Variants in SLC9A1 observed in about 807,000 individuals in gnomAD.
The protein encoded by SLC9A1 is sodium/hydrogen exchanger 1.
SLC9A1 carries 22 observed loss-of-function variants against 67.9 expected under a neutral mutation model. The ratio of observed to expected loss-of-function variants is 0.32; its 90% CI spans 0.23 to 0.46. The LOEUF is 0.46. Ranked by LOEUF, SLC9A1 falls within the 20% of genes least tolerant of loss-of-function variation. The pLI is 1.00. For missense variants in SLC9A1, 686 were observed against 1,094.8 expected (o/e 0.63, Z 5.27); for synonymous variants, 421 against 471.8 (o/e 0.89, Z 1.40).
intron 1 of SLC9A1, among the ~76,000 whole-genome samples, chr1:27,139,688 A>T (rs1212646908): frequency 1.3e-5 from 2 of 151,890 alleles, no homozygotes; most frequent in Admixed American, 1.3e-4. Context: ...CATCCCAATG[A>T]GTTTTAGAAG....
intron 4 of SLC9A1, among the ~76,000 whole-genome samples, chr1:27,107,099 CCACACA>C (rs141172880): frequency 7.3e-6 from 1 of 137,884 alleles, no homozygotes. Context: ...CCCAGCCCCT[CCACACA>C]CACACACACA....
intron 1 of SLC9A1, among the ~76,000 whole-genome samples, 171 bp downstream of exon 1, chr1:27,153,812 C>T (rs1483551090): frequency 6.6e-6 from 1 of 152,180 alleles, no homozygotes; most frequent in East Asian, 1.9e-4. Flanking sequence ...GATCACAGAT[C>T]AGAAGCCACA....
chr1:27,110,345 C>A (rs1015890668), intron 2 of SLC9A1, among the ~76,000 whole-genome samples: 15 of 152,290 alleles, frequency 9.8e-5, no homozygotes, highest in African/African-American at 2.9e-4. Context: ...CATTTCTTAA[C>A]CTCTGGAGCT....
At chr1:27,149,152 A>G (rs2083510104) in intron 1 of SLC9A1, among the ~76,000 whole-genome samples, 1 of 152,090 alleles carries the variant, frequency 6.6e-6, no homozygotes, top group African/African-American at 2.4e-5. Context: ...CATGTGCCCA[A>G]CTCCTAGAGG....
chr1:27,138,543 G>A (rs1235052965), intron 1 of SLC9A1, among the ~76,000 whole-genome samples: 2 of 152,236 alleles, frequency 1.3e-5, no homozygotes, highest in East Asian at 1.9e-4. Flanking sequence ...CTGGTGGGGC[G>A]TGTGCTGCCC....
intron 1 of SLC9A1, among the ~76,000 whole-genome samples, chr1:27,130,197 T>C (rs915814748): frequency 6.6e-6 from 1 of 152,178 alleles, no homozygotes; most frequent in African/African-American, 2.4e-5. Flanking sequence ...GCCTCCTGGG[T>C]TCACGCGATT....
At chr1:27,130,577 G>A (rs984459525) in intron 1 of SLC9A1, among the ~76,000 whole-genome samples, 5 of 152,198 alleles carry the variant, frequency 3.3e-5, no homozygotes, top group Non-Finnish European at 7.3e-5. Context: ...AAACCCATGT[G>A]CAATGCCTCA....
intron 1 of SLC9A1, among the ~76,000 whole-genome samples, chr1:27,119,857 G>A (rs566492038): frequency 2.0e-5 from 3 of 152,286 alleles, no homozygotes; most frequent in South Asian, 2.1e-4. Context: ...AAGGGCCAGC[G>A]GTAGGTTTTT....
chr1:27,105,656 T>C (rs981834410), intron 5 of SLC9A1: 1 of 701,210 alleles, frequency 1.4e-6, no homozygotes, highest in African/African-American at 1.8e-5. Flanking sequence ...GCATTCTGGT[T>C]CCTTTACATT....
intron 1 of SLC9A1, among the ~76,000 whole-genome samples, chr1:27,125,264 G>A (rs1207125063): frequency 3.8e-4 from 2 of 5,274 alleles, no homozygotes; most frequent in African/African-American, 5.8e-4. Context: ...TTTTTTTTTT[G>A]AGAAACAGTC....
At chr1:27,152,126 A>G (rs1199408171) in intron 1 of SLC9A1, among the ~76,000 whole-genome samples, 1 of 152,170 alleles carries the variant, frequency 6.6e-6, no homozygotes, top group Non-Finnish European at 1.5e-5. Flanking sequence ...TGTTGCCATG[A>G]CACCATCTCT....
At chr1:27,111,993 C>T (rs2083231486) in intron 2 of SLC9A1, among the ~76,000 whole-genome samples, 1 of 152,216 alleles carries the variant, frequency 6.6e-6, no homozygotes, top group Admixed American at 6.5e-5. Context: ...CTCACCTGAA[C>T]CCCAACACCC....
chr1:27,153,969 C>G lies in SLC9A1; in HGVS notation c.352+14G>C. ...TCTGGTGGCGGCCGCAGCATCGGAG[C>G]AAACGGGACTTACCTATCTTCATGA... On this transcript the variant is annotated intron_variant, in intron 1 of 11. Coordinates refer to ENST00000263980, the MANE Select transcript of SLC9A1 (RefSeq NM_003047.5). 1 of 1,517,768 alleles carries G rather than the reference C, an allele frequency of 6.6e-7. No homozygotes were observed. The highest frequency in any genetic ancestry group is 1.3e-5 in the South Asian group (1 of 77,784). The allele number at this position is 1,517,768 out of a possible 1,614,324, so 94.0% of individuals were successfully genotyped here. A position where few individuals can be genotyped will look rare whatever the true frequency, so the allele number is the denominator to read the frequency against.
In SLC9A1 at chr1:27,106,986, A is replaced by G. The variant is rs1471334212; in HGVS notation, c.1282+662T>C. On this transcript the variant is annotated intron_variant, in intron 4 of 11. Coordinates refer to ENST00000263980, the MANE Select transcript of SLC9A1 (RefSeq NM_003047.5). The surrounding 1 kb of genome is among the most constrained non-coding windows in gnomAD (Gnocchi z 4.3). ...TGTGACACAGGCTTCTCCCTGCTGA[A>G]GGGCCCATCATGGAAATGGGAAGTC... is the stretch of plus-strand genomic sequence containing the variant. Among the ~76,000 whole-genome samples the G allele has an allele frequency of 6.6e-6, 1 of 151,676 alleles. No individual in the cohort carries two copies. The highest frequency in any genetic ancestry group is 1.9e-4 in the East Asian group (1 of 5,144).
rs1265830111 is a variant in SLC9A1 at position 27,109,030 on chromosome 1, C to A, written c.1064+497G>T. 1.3e-5 allele frequency among the ~76,000 whole-genome samples: 2 copies of A among 152,122 alleles called. No individual in the cohort carries two copies. The highest frequency in any genetic ancestry group is 2.9e-5 in the Non-Finnish European group (2 of 68,010). ...TTCTGCCTTGCTCGGCACTGGAACA[C>A]CTTCACCCCTCACTGCCTCCCCACA... On this transcript the variant is annotated intron_variant, in intron 3 of 11. Transcript: ENST00000263980. The surrounding 1 kb of genome is among the most constrained non-coding windows in gnomAD (Gnocchi z 5.5).
chr1:27,109,688 C>A lies in SLC9A1; in HGVS notation c.903G>T (p.Val301=), dbSNP rs776495723. ...CGCCCACAAGCACCCCGCCCAGGGC[C>A]ACCACGAAGAAGCTCAGGAAGCCGA... The part of the protein sequence containing the change: ...IFLGFLSFFV[V]ALGGVLVGVV... The change falls in exon 3 of 12, where the codon GTG becomes GTT. Residue 301 remains valine, a synonymous_variant. Transcript: ENST00000263980. This position sits in a 1 kb window ranked among gnomAD's most constrained non-coding sequence, Gnocchi z 5.5. 48 of 1,613,914 alleles carry A rather than the reference C, an allele frequency of 3.0e-5. No individual in the cohort carries two copies. The East Asian group carries it at 1.0e-3, about 34-fold the overall frequency.
intron 1 of SLC9A1, among the ~76,000 whole-genome samples, chr1:27,148,081 C>G (rs2083502054): frequency 6.6e-6 from 1 of 152,100 alleles, no homozygotes; most frequent in African/African-American, 2.4e-5. Context: ...AGAGCTGAGA[C>G]TAGATCTCAG....
At chr1:27,110,835 C>T (rs889955302) in intron 2 of SLC9A1, among the ~76,000 whole-genome samples, 4 of 152,188 alleles carry the variant, frequency 2.6e-5, no homozygotes, top group Admixed American at 6.5e-5. Context: ...CTGTCCTAGA[C>T]AGCTCTGCCA....
At chr1:27,149,295 A>G (rs1271368953) in intron 1 of SLC9A1, among the ~76,000 whole-genome samples, 2 of 152,236 alleles carry the variant, frequency 1.3e-5, no homozygotes, top group Non-Finnish European at 2.9e-5. Context: ...CCAAGACTCG[A>G]ACAGACAATA....
Sources: allele counts gnomAD v4.1 joint callset (sites outside exome capture counted in the v4.1 genomes callset), GRCh38; gene constraint gnomAD v4.1.1; non-coding constraint Gnocchi (gnomAD v3.1); transcripts MANE v1.5; gene names NCBI Gene and HGNC (gene_info 2026-07-23, HGNC 2026-07-21).